Variants in DHRS7B observed in about 807,000 individuals in gnomAD.
DHRS7B encodes dehydrogenase/reductase 7B.
DHRS7B carries 24 observed loss-of-function variants against 26.4 expected under a neutral mutation model. The ratio of observed to expected loss-of-function variants is 0.91; its 90% CI spans 0.66 to 1.28. The LOEUF is 1.28. Among genes scored for constraint, DHRS7B ranks in the 50% most tolerant of loss-of-function variants. The pLI is 0.00. For missense variants in DHRS7B, 368 were observed against 419.4 expected (o/e 0.88, Z 1.07); for synonymous variants, 142 against 166.4 (o/e 0.85, Z 1.13).
At chr17:21,177,468 C>T (rs557418516) in intron 2 of DHRS7B, among the ~76,000 whole-genome samples, 45 of 152,340 alleles carry the variant, frequency 3.0e-4, no homozygotes, top group African/African-American at 9.6e-4. Flanking sequence ...TTGAAGTCCG[C>T]ATCGATTGTT....
intron 1 of DHRS7B, among the ~76,000 whole-genome samples, chr17:21,131,615 G>A (rs763114298): frequency 4.2e-4 from 64 of 152,154 alleles, no homozygotes; most frequent in Non-Finnish European, 7.5e-4. Context: ...GATTTAGAAT[G>A]CCTAACCTGC....
chr17:21,140,477 A>AACAC (rs1486289182), intron 1 of DHRS7B, among the ~76,000 whole-genome samples: 1 of 50,734 alleles, frequency 2.0e-5, no homozygotes, highest in Admixed American at 2.3e-4. Context: ...AGGCCTTTTA[A>AACAC]ATACACACAC....
intron 3 of DHRS7B, among the ~76,000 whole-genome samples, chr17:21,182,615 T>C (rs575094613): frequency 6.6e-6 from 1 of 152,188 alleles, no homozygotes; most frequent in African/African-American, 2.4e-5. Context: ...CTCGAACTCC[T>C]GGGCTCAAGC....
At chr17:21,138,078 ATATAT>A in intron 1 of DHRS7B, among the ~76,000 whole-genome samples, 1 of 52,906 alleles carries the variant, frequency 1.9e-5, no homozygotes, top group Non-Finnish European at 3.6e-5. Context: ...AAAAAAAAAT[ATATAT>A]ATATATATAT....
Position 21,157,786 on chromosome 17 carries a change from T to G in DHRS7B, c.21-14232T>G, listed in dbSNP as rs374914291. Among the ~76,000 whole-genome samples, 6 of 151,876 alleles carry G rather than the reference T, an allele frequency of 4.0e-5. No homozygotes were observed. The East Asian group carries it at 9.7e-4, about 25-fold the overall frequency. The stretch of plus-strand genomic sequence containing the variant: ...GGAGGCAAAATGGTGAAACCCCATC[T>G]CTACAAAAATGACCCAGGTGTGGTG... On this transcript the variant is annotated intron_variant, in intron 1 of 6. Transcript: ENST00000395511.
At chr17:21,180,364 C>G (rs368990658) in intron 3 of DHRS7B, among the ~76,000 whole-genome samples, 4 of 152,114 alleles carry the variant, frequency 2.6e-5, no homozygotes, top group Admixed American at 1.3e-4. Flanking sequence ...TTAGCCACCA[C>G]GCCTGGCCAA....
At chr17:21,148,327 A>C (rs1278160258) in intron 1 of DHRS7B, among the ~76,000 whole-genome samples, 1 of 152,212 alleles carries the variant, frequency 6.6e-6, no homozygotes, top group Non-Finnish European at 1.5e-5. Flanking sequence ...GAAACTTAAG[A>C]TATTGAAATA....
At chr17:21,157,764 G>T (rs1473436283) in intron 1 of DHRS7B, among the ~76,000 whole-genome samples, 1 of 151,996 alleles carries the variant, frequency 6.6e-6, no homozygotes, top group African/African-American at 2.4e-5. Context: ...TACTTTGGGA[G>T]GCAAAATGGT....
intron 1 of DHRS7B, among the ~76,000 whole-genome samples, chr17:21,150,329 T>G (rs906485666): frequency 1.3e-5 from 2 of 151,966 alleles, no homozygotes; most frequent in East Asian, 3.9e-4. Flanking sequence ...CAAGAAGCAT[T>G]TCTTTGTCCG....
chr17:21,164,892 C>T (rs1053881455), intron 1 of DHRS7B, among the ~76,000 whole-genome samples: 6 of 152,150 alleles, frequency 3.9e-5, no homozygotes, highest in African/African-American at 1.2e-4. Context: ...TGAAGGAATA[C>T]GGTTGGTCTT....
intron 1 of DHRS7B, among the ~76,000 whole-genome samples, chr17:21,144,783 C>G (rs780931425): frequency 1.6e-4 from 24 of 151,732 alleles, no homozygotes; most frequent in Non-Finnish European, 2.5e-4. Context: ...ACGCCACTGC[C>G]CTCCAGCCTG....
At chr17:21,173,101 C>A (rs751982298) in intron 2 of DHRS7B, among the ~76,000 whole-genome samples, 2 of 152,252 alleles carry the variant, frequency 1.3e-5, no homozygotes, top group Non-Finnish European at 2.9e-5. Flanking sequence ...AAGTGGGAGG[C>A]TCTGGGTCAG....
chr17:21,169,162 G>A (rs1451131860), intron 1 of DHRS7B, among the ~76,000 whole-genome samples: 1 of 152,196 alleles, frequency 6.6e-6, no homozygotes, highest in Non-Finnish European at 1.5e-5. Context: ...TTCTGCCAAT[G>A]TTGTGGAGTT....
chr17:21,159,520 G>A (rs1223791660), intron 1 of DHRS7B, among the ~76,000 whole-genome samples: 1 of 151,634 alleles, frequency 6.6e-6, no homozygotes, highest in Non-Finnish European at 1.5e-5. Context: ...CTCCCAAAAT[G>A]TTGGGATTAC....
intron 1 of DHRS7B, among the ~76,000 whole-genome samples, chr17:21,138,732 A>G (rs1471536656): frequency 1.3e-5 from 2 of 152,128 alleles, no homozygotes; most frequent in East Asian, 3.9e-4. Context: ...TGTGAATTAG[A>G]CAAAACTTGT....
chr17:21,190,452 G>A (rs1351034006), intron 6 of DHRS7B, among the ~76,000 whole-genome samples: 1 of 152,126 alleles, frequency 6.6e-6, no homozygotes, highest in Admixed American at 6.5e-5. Flanking sequence ...GGGGTCAATA[G>A]TCCCCACCCA....
In DHRS7B at chr17:21,170,938, G is replaced by A. The variant is rs115292164; in HGVS notation, c.21-1080G>A. On this transcript the variant is annotated intron_variant, in intron 1 of 6. Coordinates refer to ENST00000395511, the MANE Select transcript of DHRS7B (RefSeq NM_015510.5). Reference sequence around the variant, plus strand: ...TTTTACATTATTGCTCCAAGCTTATGAATAATTTAGAGCTACAGTCTGGTT... The same window carrying A: ...TTTTACATTATTGCTCCAAGCTTATAAATAATTTAGAGCTACAGTCTGGTT... Among the ~76,000 whole-genome samples, 704 of 152,216 alleles carry A rather than the reference G, an allele frequency of 4.6e-3. 5 individuals are homozygous for A. The highest frequency in any genetic ancestry group is 0.016 in the African/African-American group (672 of 41,518).
chr17:21,187,683 A>G (rs907637695), intron 5 of DHRS7B, among the ~76,000 whole-genome samples: 2 of 151,718 alleles, frequency 1.3e-5, no homozygotes, highest in African/African-American at 4.8e-5. Flanking sequence ...AGAATTAAAC[A>G]AAAATTCTGG....
At chr17:21,180,647 C>A (rs1265236214) in intron 3 of DHRS7B, among the ~76,000 whole-genome samples, 1 of 151,620 alleles carries the variant, frequency 6.6e-6, no homozygotes, top group African/African-American at 2.4e-5. Flanking sequence ...TTTTCTCCCC[C>A]TTAGAGGGAC....
Sources: gnomAD v4.1 joint callset for allele counts (sites outside exome capture counted in the v4.1 genomes callset) on GRCh38, gnomAD v4.1.1 for gene constraint, MANE v1.5 for transcripts, NCBI Gene and HGNC (gene_info 2026-07-23, HGNC 2026-07-21) for gene names.